NINL: variants seen among roughly 807,000 people sequenced by gnomAD.
NINL encodes ninein like.
Under a neutral mutation model 160.3 loss-of-function variants are expected in NINL, and 153 were observed. The ratio of observed to expected loss-of-function variants is 0.95; its 90% CI spans 0.84 to 1.09. The LOEUF (loss-of-function observed/expected upper bound fraction) is 1.09, where lower values mean the gene tolerates loss of function less well. NINL is among the 50% of genes least tolerant of loss of function. The probability of loss-of-function intolerance (pLI) is 0.00; values close to 1 mark genes in which losing one functional copy is unlikely to be tolerated. For synonymous variants in NINL, 800 were observed against 734.8 expected (o/e 1.09, Z -1.43); for missense variants, 1,829 against 1,764.0 (o/e 1.04, Z -0.66).
At chr20:25,503,181 G>A (rs1206598740) in intron 7 of NINL, among the ~76,000 whole-genome samples, 1 of 150,246 alleles carries the variant, frequency 6.7e-6, no homozygotes, top group Non-Finnish European at 1.5e-5. Context: ...TTCCTCACCT[G>A]AGCACTGCCT....
At position 25,507,578 on chromosome 20, in the gene NINL, C is replaced by T. The variant is rs372614205; in HGVS notation, c.518-2500G>A. On this transcript the variant is annotated intron_variant, in intron 5 of 23. Transcript: ENST00000278886. ...AGAGCAGGGACATGGCTGCTTCCAC[C>T]CAACACAGACTTTAGTGTTGCAGTT... 2.6e-5 allele frequency among the ~76,000 whole-genome samples: 4 copies of T among 152,304 alleles called. No individual in the cohort carries two copies. The East Asian group carries it at 7.7e-4, about 29-fold the overall frequency.
chr20:25,494,679 G>C (rs931077962), intron 10 of NINL, among the ~76,000 whole-genome samples: 5 of 152,180 alleles, frequency 3.3e-5, no homozygotes, highest in Non-Finnish European at 5.9e-5. Context: ...TGGAGGTGGC[G>C]GCTGCAGGAG....
At chr20:25,498,146 C>G (rs41274448) in intron 9 of NINL, 64 bp downstream of exon 9, 18 of 1,587,160 alleles carry the variant, frequency 1.1e-5, no homozygotes, top group Non-Finnish European at 1.5e-5. Context: ...GTGTCCCAGA[C>G]CCCCCTCCAG....
At chr20:25,469,610 G>A (rs1254191880) in intron 18 of NINL, among the ~76,000 whole-genome samples, 8 of 152,012 alleles carry the variant, frequency 5.3e-5, no homozygotes, top group Admixed American at 5.2e-4. Context: ...ATCAGGAGAG[G>A]ATCCTAGGAG....
intron 4 of NINL, among the ~76,000 whole-genome samples, chr20:25,511,387 C>A (rs904499206): frequency 6.6e-6 from 1 of 152,186 alleles, no homozygotes; most frequent in Non-Finnish European, 1.5e-5. Context: ...GTAAAAACCT[C>A]GTGCTGCAGT....
At chr20:25,512,452 T>C (rs1207165735) in intron 4 of NINL, among the ~76,000 whole-genome samples, 2 of 152,184 alleles carry the variant, frequency 1.3e-5, no homozygotes, top group Non-Finnish European at 2.9e-5. Context: ...GATCTGGTTG[T>C]TTAAAAGTGT....
chr20:25,544,578 G>A (rs1333813968), intron 1 of NINL, among the ~76,000 whole-genome samples: 1 of 152,080 alleles, frequency 6.6e-6, no homozygotes, highest in Non-Finnish European at 1.5e-5. Flanking sequence ...CAGTCCCAGG[G>A]GCCAAGTCTT....
chr20:25,559,967 CT>C (rs1238000520), intron 1 of NINL, among the ~76,000 whole-genome samples: 1 of 152,022 alleles, frequency 6.6e-6, no homozygotes, highest in Non-Finnish European at 1.5e-5. Context: ...GGGTCTTGCT[CT>C]GTCAGCCAGG....
chr20:25,570,686 C>T (rs2065043436), intron 1 of NINL, among the ~76,000 whole-genome samples: 1 of 133,584 alleles, frequency 7.5e-6, no homozygotes, highest in African/African-American at 2.8e-5. Context: ...AGATCCTGGG[C>T]AAGTAGACTT....
chr20:25,556,550 G>C lies in NINL; in HGVS notation c.-12+28905C>G, dbSNP rs182635033. Reference sequence around the variant, plus strand: ...TGAGGTGGGAGGATCACTTGAGTCTGGGAGGTCAAGGTTGCAGTGAGCCAT... The same window carrying C: ...TGAGGTGGGAGGATCACTTGAGTCTCGGAGGTCAAGGTTGCAGTGAGCCAT... On this transcript the variant is annotated intron_variant, in intron 1 of 23. Coordinates refer to ENST00000278886, the MANE Select transcript of NINL (RefSeq NM_025176.6). Among the ~76,000 whole-genome samples, 54 of 151,616 alleles carry C rather than the reference G, an allele frequency of 3.6e-4. 1 individual carries two copies. In the East Asian group the frequency reaches 9.5e-3, roughly 27 times the overall value.
At position 25,489,916 on chromosome 20, in the gene NINL, G is replaced by T. The variant is rs1432608131; in HGVS notation, c.1555C>A (p.Leu519Met). Residue 519 changes from leucine to methionine, a missense_variant, in exon 12 of 24, where the codon CTG becomes ATG. Leu to Met is a conservative substitution (Grantham distance 15, BLOSUM62 2). Transcript: ENST00000278886. ...AACTCCAGGTCCTTCTGCAGCTTCA[G>T]GGCCAGCCTCTCCGAATCCGAAAGC... ...EKLSDSERLA[L>M]KLQKDLEFVL... The T allele has an allele frequency of 6.2e-7, 1 of 1,614,162 alleles. No homozygotes were observed. Among genetic ancestry groups the T allele is most frequent in the South Asian group, 1.1e-5 (1 of 91,080 alleles).
chr20:25,504,912 G>C lies in NINL; in HGVS notation c.684C>G (p.Val228=). ...CCTCTTTCTCGAGTCCCTGGAGCCC[G>C]ACGCTCTGGCAGACCACAGCCAGCT... The part of the protein sequence containing the change: ...EQELAVVCQS[V]GLQGLEKEEL... The change falls in exon 6 of 24, where the codon GTC becomes GTG. Residue 228 remains valine (V), a synonymous_variant. Transcript: ENST00000278886. The C allele has an allele frequency of 1.2e-6, 2 of 1,611,730 alleles. No individual in the cohort carries two copies. The highest frequency in any genetic ancestry group is 1.7e-6 in the Non-Finnish European group (2 of 1,179,932).
intron 1 of NINL, among the ~76,000 whole-genome samples, chr20:25,570,233 T>TG (rs1409823594): frequency 6.6e-6 from 1 of 152,104 alleles, no homozygotes; most frequent in East Asian, 1.9e-4. Context: ...GACACCAATA[T>TG]GGTTTGGATC....
At chr20:25,517,891 C>CCTGGGTGAATTGAA in intron 2 of NINL, 42 bp from the exon 3 acceptor site, 1 of 1,276,118 alleles carries the variant, frequency 7.8e-7, no homozygotes, top group Non-Finnish European at 1.1e-6. Context: ...TCACTTTCAA[C>CCTGGGTGAATTGAA]AGATCACACA....
chr20:25,556,671 G>A (rs555647250), intron 1 of NINL, among the ~76,000 whole-genome samples: 46 of 152,222 alleles, frequency 3.0e-4, no homozygotes, highest in Non-Finnish European at 1.3e-4. Context: ...GCCAGGCATG[G>A]TGGTATATGC....
rs2064582039 is a variant in NINL, at chr20:25,537,600, G to A, written c.-11-11002C>T. On this transcript the variant is annotated intron_variant, in intron 1 of 23. Transcript: ENST00000278886. ...ATAGTAAACACTGAATTTCACGGAT[G>A]CAGCGCCCCACATGCACAGCAGTGT... 2.0e-5 allele frequency among the ~76,000 whole-genome samples: 3 copies of A among 152,192 alleles called. No homozygotes were observed. In the South Asian group the frequency reaches 6.2e-4, roughly 31 times the overall value.
chr20:25,563,531 C>T (rs1421109430), intron 1 of NINL, among the ~76,000 whole-genome samples: 1 of 152,160 alleles, frequency 6.6e-6, no homozygotes, highest in Non-Finnish European at 1.5e-5. Flanking sequence ...AATGATACAT[C>T]TATATCCAAA....
At chr20:25,506,482 C>G (rs2063964085) in intron 5 of NINL, among the ~76,000 whole-genome samples, 1 of 152,142 alleles carries the variant, frequency 6.6e-6, no homozygotes, top group Non-Finnish European at 1.5e-5. Context: ...ACAGATGCTC[C>G]CCGACTTATG....
chr20:25,539,947 G>A (rs1322132458), intron 1 of NINL: 3 of 1,001,702 alleles, frequency 3.0e-6, no homozygotes, highest in South Asian at 1.3e-5. Context: ...GGTTCCCGGG[G>A]GCTCCCAGGC....
Sources: allele counts gnomAD v4.1 joint callset (sites outside exome capture counted in the v4.1 genomes callset), GRCh38; gene constraint gnomAD v4.1.1; transcripts MANE v1.5; gene names NCBI Gene and HGNC (gene_info 2026-07-23, HGNC 2026-07-21).